The following RABL3 variants were observed in gnomAD, a reference collection of about 807,000 sequenced individuals.
The protein encoded by RABL3 is rab-like protein 3.
In RABL3, 31 loss-of-function variants were observed where a neutral mutation model predicts 31.8. The ratio of observed to expected loss-of-function variants is 0.97; its 90% CI spans 0.73 to 1.31. The LOEUF is 1.31. Ranked by LOEUF, RABL3 falls within the 40% of genes most tolerant of loss-of-function variation. RABL3 has a pLI of 0.00. For synonymous variants in RABL3, 97 were observed against 99.9 expected (o/e 0.97, Z 0.18); for missense variants, 263 against 279.6 (o/e 0.94, Z 0.42).
intron 6 of RABL3, among the ~76,000 whole-genome samples, chr3:120,692,246 T>C (rs1182070871): frequency 1.3e-5 from 2 of 152,148 alleles, no homozygotes; most frequent in Non-Finnish European, 2.9e-5. Context: ...TCACCCAGGC[T>C]GGAGTGCAGT....
intron 2 of RABL3, among the ~76,000 whole-genome samples, chr3:120,726,224 CATTTTATA>C (rs1708819050): frequency 6.6e-6 from 1 of 152,116 alleles, no homozygotes; most frequent in African/African-American, 2.4e-5. Flanking sequence ...AGGTAAGGTG[CATTTTATA>C]ACAAGGGGTG....
chr3:120,724,254 A>T (rs1708787810), intron 2 of RABL3, among the ~76,000 whole-genome samples: 1 of 152,224 alleles, frequency 6.6e-6, no homozygotes, highest in Non-Finnish European at 1.5e-5. Flanking sequence ...GATGTGAAGG[A>T]CCTCTTCAAG....
intron 2 of RABL3, chr3:120,722,193 GA>G (rs1233759289): frequency 5.3e-5 from 8 of 152,040 alleles, no homozygotes; most frequent in African/African-American, 1.9e-4. Context: ...TTCATAACCT[GA>G]GAGGCCTTTG....
At position 120,742,495 on chromosome 3, in the gene RABL3, C is replaced by T. The variant is rs866528633; in HGVS notation, c.13G>A (p.Asp5Asn). Residue 5 changes from aspartate to asparagine, a missense_variant, in exon 1 of 8, where the codon GAT becomes AAT. By Grantham distance (23) the Asp-to-Asn change is conservative. Transcript: ENST00000273375. MASL[D>N]RVKVLVLGDS... is the part of the protein sequence containing the mutation. Reference sequence around the variant, plus strand: ...CCCAACACCAGTACCTTCACCCGATCCAGGGACGCCATCTTGCCACTGCCT... The same window carrying T: ...CCCAACACCAGTACCTTCACCCGATTCAGGGACGCCATCTTGCCACTGCCT... 6.2e-7 allele frequency: 1 copy of T among 1,614,180 alleles called. No individual in the cohort carries two copies. Among genetic ancestry groups the T allele is most frequent in the Admixed American group, 1.7e-5 (1 of 60,030 alleles).
intron 2 of RABL3, among the ~76,000 whole-genome samples, chr3:120,719,852 T>G (rs1006191893): frequency 6.6e-6 from 1 of 151,858 alleles, no homozygotes; most frequent in African/African-American, 2.4e-5. Context: ...TCTCCCAGCA[T>G]GCAGCTTGAG....
intron 1 of RABL3, among the ~76,000 whole-genome samples, chr3:120,739,160 C>T (rs760431478): frequency 5.9e-5 from 9 of 152,120 alleles, no homozygotes; most frequent in East Asian, 1.9e-4. Flanking sequence ...AGGCAGATCA[C>T]GAGGTCAGGA....
intron 2 of RABL3, among the ~76,000 whole-genome samples, chr3:120,728,971 C>T (rs1708853090): frequency 6.6e-6 from 1 of 152,098 alleles, no homozygotes; most frequent in South Asian, 2.1e-4. Flanking sequence ...TCTTAATGCC[C>T]ATTCAGGAAT....
At chr3:120,694,524 G>C (rs1181502443) in intron 5 of RABL3, among the ~76,000 whole-genome samples, 6 of 151,986 alleles carry the variant, frequency 3.9e-5, no homozygotes. Context: ...TCAAAACCAA[G>C]GTACTACTGG....
chr3:120,729,253 T>C (rs1708855964), intron 2 of RABL3, among the ~76,000 whole-genome samples: 1 of 152,086 alleles, frequency 6.6e-6, no homozygotes, highest in African/African-American at 2.4e-5. Context: ...TGGAGGAATT[T>C]ACATTATCTA....
chr3:120,707,756 G>C (rs59214663), intron 3 of RABL3, among the ~76,000 whole-genome samples: 2,800 of 152,198 alleles, frequency 0.018, 100 homozygotes, highest in African/African-American at 0.063. Flanking sequence ...CTATTAGATG[G>C]ACAGGGAAGA....
At chr3:120,694,956 T>C (rs1364224241) in intron 5 of RABL3, among the ~76,000 whole-genome samples, 1 of 150,488 alleles carries the variant, frequency 6.6e-6, no homozygotes, top group Non-Finnish European at 1.5e-5. Flanking sequence ...AATTCCAGTC[T>C]AGCTGTTTTT....
chr3:120,716,815 T>G (rs1196681128), intron 2 of RABL3, among the ~76,000 whole-genome samples: 1 of 152,216 alleles, frequency 6.6e-6, no homozygotes, highest in Non-Finnish European at 1.5e-5. Flanking sequence ...CTTTATAAGC[T>G]TTAGTTATTC....
chr3:120,714,913 G>T (rs935257648), intron 2 of RABL3, among the ~76,000 whole-genome samples: 14 of 151,946 alleles, frequency 9.2e-5, no homozygotes, highest in African/African-American at 3.4e-4. Context: ...TTTAGAAATT[G>T]CATCAGTTCT....
rs532043750 is a variant in RABL3 at position 120,727,874 on chromosome 3, T to C, written c.138+2822A>G. Among the ~76,000 whole-genome samples, 32 of 152,284 alleles carry C rather than the reference T, an allele frequency of 2.1e-4. No individual in the cohort carries two copies. The South Asian group carries it at 5.6e-3, about 27-fold the overall frequency. ...TATCATGAAGAGGCAACTGGTAAAA[T>C]TGAATATCCATTCATGATACAAACT... On this transcript the variant is annotated intron_variant, in intron 2 of 7. Coordinates refer to ENST00000273375, the MANE Select transcript of RABL3 (RefSeq NM_173825.5).
chr3:120,730,668 G>A (rs777967193), intron 2 of RABL3, 28 bp downstream of exon 2: 3 of 1,507,996 alleles, frequency 2.0e-6, no homozygotes, highest in East Asian at 2.3e-5. Flanking sequence ...GTACATTATT[G>A]AAAAACTAAA....
chr3:120,728,933 A>G (rs1040381180), intron 2 of RABL3, among the ~76,000 whole-genome samples: 2 of 152,184 alleles, frequency 1.3e-5, no homozygotes, highest in Admixed American at 1.3e-4. Flanking sequence ...ATAGATTCAG[A>G]TATAGCTTCA....
In RABL3 at chr3:120,724,288, C is replaced by A. The variant is rs147371028; in HGVS notation, c.138+6408G>T. 7.6e-3 allele frequency among the ~76,000 whole-genome samples: 1,163 copies of A among 152,160 alleles called. 15 individuals carry two copies. The highest frequency in any genetic ancestry group is 0.027 in the African/African-American group (1,103 of 41,524). The stretch of plus-strand genomic sequence containing the variant: ...AGGAGAATTACAAACCACTGCTCAA[C>A]GAAGTAAAAGAGGACACAAACAAAT... On this transcript the variant is annotated intron_variant, in intron 2 of 7. Transcript: ENST00000273375.
At chr3:120,736,032 T>C (rs1424628370) in intron 1 of RABL3, among the ~76,000 whole-genome samples, 1 of 152,218 alleles carries the variant, frequency 6.6e-6, no homozygotes, top group Non-Finnish European at 1.5e-5. Context: ...TGATTTGGGA[T>C]GGAGAGTTCT....
At chr3:120,714,490 T>C (rs2107585222) in intron 2 of RABL3, among the ~76,000 whole-genome samples, 1 of 152,320 alleles carries the variant, frequency 6.6e-6, no homozygotes, top group Non-Finnish European at 1.5e-5. Flanking sequence ...TCTTTTGCCT[T>C]CAGTCAAGCT....
Sources: gnomAD v4.1 joint callset for allele counts (sites outside exome capture counted in the v4.1 genomes callset) on GRCh38, gnomAD v4.1.1 for gene constraint, MANE v1.5 for transcripts, NCBI Gene and HGNC (gene_info 2026-07-23, HGNC 2026-07-21) for gene names.